Variants in LRRC7 observed in about 807,000 individuals in gnomAD.
LRRC7 encodes the protein leucine rich repeat containing 7, also known as leucine-rich repeat-containing protein 7.
A neutral mutation model predicts 175.7 loss-of-function variants in LRRC7; 23 were observed. The observed-to-expected ratio is 0.13, with a 90% CI of 0.09 to 0.19. The LOEUF is 0.19. Among genes scored for constraint, LRRC7 ranks in the 10% least tolerant of loss-of-function variants. The probability of loss-of-function intolerance (pLI) is 1.00; values close to 1 mark genes in which losing one functional copy is unlikely to be tolerated. For synonymous variants in LRRC7, 685 were observed against 680.9 expected, an observed-to-expected ratio of 1.01 and a Z score of -0.09; for missense variants, 1,354 against 1,904.7, an observed-to-expected ratio of 0.71 and a Z score of 5.38.
chr1:69,710,128 A>G (rs1423810339), intron 2 of LRRC7, among the ~76,000 whole-genome samples: 1 of 151,922 alleles, frequency 6.6e-6, no homozygotes, highest in Non-Finnish European at 1.5e-5. Context: ...ATACAAAAAA[A>G]TTAGCCAGGT....
intron 7 of LRRC7, among the ~76,000 whole-genome samples, chr1:69,842,820 G>C (rs935468160): frequency 1.9e-4 from 29 of 152,130 alleles, no homozygotes; most frequent in African/African-American, 6.8e-4. Context: ...TTCAGTATAT[G>C]AATAACCTAT....
intron 8 of LRRC7, among the ~76,000 whole-genome samples, chr1:69,948,604 GC>G (rs2101816280): frequency 1.3e-5 from 2 of 152,164 alleles, no homozygotes; most frequent in East Asian, 3.9e-4. Flanking sequence ...GCAGTAGGGG[GC>G]CCTTCTTTAT....
intron 4 of LRRC7, among the ~76,000 whole-genome samples, chr1:69,820,822 A>G (rs1679204124): frequency 6.6e-6 from 1 of 152,294 alleles, no homozygotes; most frequent in Admixed American, 6.5e-5. Flanking sequence ...CAATAGACAT[A>G]GATGTGCATG....
chr1:70,056,736 C>T (rs574203776), intron 23 of LRRC7, among the ~76,000 whole-genome samples: 2 of 152,188 alleles, frequency 1.3e-5, no homozygotes, highest in African/African-American at 2.4e-5. Flanking sequence ...GAAAAAGAAA[C>T]GGAGTTATAT....
At chr1:69,786,384 C>A (rs1674419127) in intron 3 of LRRC7, among the ~76,000 whole-genome samples, 1 of 151,756 alleles carries the variant, frequency 6.6e-6, no homozygotes, top group Non-Finnish European at 1.5e-5. Context: ...TCCCTCTCTC[C>A]CTTCATTCCT....
intron 7 of LRRC7, among the ~76,000 whole-genome samples, chr1:69,905,826 T>C (rs1255962949): frequency 1.3e-5 from 2 of 152,210 alleles, no homozygotes; most frequent in African/African-American, 2.4e-5. Flanking sequence ...CCCTGAGGAA[T>C]CACCACACTG....
At chr1:69,876,694 T>C (rs1261012400) in intron 7 of LRRC7, among the ~76,000 whole-genome samples, 1 of 152,152 alleles carries the variant, frequency 6.6e-6, no homozygotes, top group Non-Finnish European at 1.5e-5. Context: ...TCATCGCCTC[T>C]TGTGCTTGGG....
chr1:70,087,825 C>T (rs1005235947), intron 24 of LRRC7, among the ~76,000 whole-genome samples: 9 of 152,054 alleles, frequency 5.9e-5, no homozygotes, highest in Admixed American at 5.9e-4. Flanking sequence ...AGTAAACTAT[C>T]TAATATTTAA....
intron 2 of LRRC7, among the ~76,000 whole-genome samples, chr1:69,741,591 G>C (rs1668718157): frequency 6.6e-6 from 1 of 151,852 alleles, no homozygotes; most frequent in Non-Finnish European, 1.5e-5. Flanking sequence ...CGTAGAAAGA[G>C]AGCACAGAGA....
intron 5 of LRRC7, among the ~76,000 whole-genome samples, chr1:69,828,095 A>G (rs1468589401): frequency 6.6e-6 from 1 of 152,076 alleles, no homozygotes; most frequent in East Asian, 1.9e-4. Context: ...GTAATTTTTC[A>G]ATAATCAGTA....
chr1:69,744,979 C>T (rs1331993111), intron 2 of LRRC7, among the ~76,000 whole-genome samples: 1 of 151,842 alleles, frequency 6.6e-6, no homozygotes, highest in African/African-American at 2.4e-5. Context: ...GATCCACCTG[C>T]TCAAAAACCA....
intron 2 of LRRC7, among the ~76,000 whole-genome samples, chr1:69,757,592 G>A (rs1045354514): frequency 6.6e-6 from 1 of 151,986 alleles, no homozygotes; most frequent in Admixed American, 6.6e-5. Context: ...AAGTGCCTAA[G>A]TGAATACAAT....
At chr1:70,011,954 T>A in intron 12 of LRRC7, 28 bp downstream of exon 12, 1 of 1,538,202 alleles carries the variant, frequency 6.5e-7, no homozygotes, top group Non-Finnish European at 9.0e-7. Context: ...TTTCTATTTA[T>A]TAACTTTTAA....
intron 8 of LRRC7, among the ~76,000 whole-genome samples, chr1:69,964,407 A>G (rs1651454163): frequency 6.6e-6 from 1 of 152,072 alleles, no homozygotes; most frequent in African/African-American, 2.4e-5. Context: ...AACTCAGTCC[A>G]CCTCCTGAGA....
chr1:69,681,176 A>G (rs920878038), intron 2 of LRRC7, among the ~76,000 whole-genome samples: 1 of 152,164 alleles, frequency 6.6e-6, no homozygotes, highest in African/African-American at 2.4e-5. Flanking sequence ...ATATTAGTTT[A>G]ACACAATGGC....
At chr1:69,799,103 T>TTTTTTTTTTTTTTTG in intron 4 of LRRC7, among the ~76,000 whole-genome samples, 1 of 23,254 alleles carries the variant, frequency 4.3e-5, no homozygotes, top group African/African-American at 3.5e-4. Context: ...TGAATGCTAG[T>TTTTTTTTTTTTTTTG]TTTTTTTTTT....
At chr1:70,056,112 T>G (rs1661130427) in intron 23 of LRRC7, among the ~76,000 whole-genome samples, 1 of 152,164 alleles carries the variant, frequency 6.6e-6, no homozygotes. Flanking sequence ...CGAGTGGAAA[T>G]GTGCAGTGGA....
At chr1:69,971,318 AAAG>A (rs1394088338) in intron 8 of LRRC7, among the ~76,000 whole-genome samples, 1 of 152,178 alleles carries the variant, frequency 6.6e-6, no homozygotes, top group Non-Finnish European at 1.5e-5. Context: ...CCAAATTGGT[AAAG>A]AAGAAGTCAA....
intron 8 of LRRC7, among the ~76,000 whole-genome samples, chr1:69,941,922 A>G (rs1648760453): frequency 6.6e-6 from 1 of 152,146 alleles, no homozygotes; most frequent in Non-Finnish European, 1.5e-5. Flanking sequence ...TAGTTTGGAA[A>G]TGCTTACAAT....
Sources: gnomAD v4.1 joint callset for allele counts (sites outside exome capture counted in the v4.1 genomes callset) on GRCh38, gnomAD v4.1.1 for gene constraint, MANE v1.5 for transcripts, NCBI Gene and HGNC (gene_info 2026-07-23, HGNC 2026-07-21) for gene names.